The following DYNC1LI1 variants were observed in gnomAD, a reference collection of about 807,000 sequenced individuals.
DYNC1LI1 encodes cytoplasmic dynein 1 light intermediate chain 1.
A neutral mutation model predicts 63.8 loss-of-function variants in DYNC1LI1; 19 were observed. The observed-to-expected ratio is 0.30, with a 90% CI of 0.21 to 0.44. The LOEUF (loss-of-function observed/expected upper bound fraction) is 0.44. Among genes scored for constraint, DYNC1LI1 ranks in the 20% least tolerant of loss-of-function variants. The pLI is 1.00. For missense variants in DYNC1LI1, 565 were observed against 630.2 expected, an observed-to-expected ratio of 0.90 and a Z score of 1.11; for synonymous variants, 225 against 232.3, an observed-to-expected ratio of 0.97 and a Z score of 0.28.
chr3:32,532,725 A>C (rs1341785256), intron 8 of DYNC1LI1: 7 of 390,948 alleles, frequency 1.8e-5, no homozygotes, highest in Non-Finnish European at 2.9e-5. Flanking sequence ...AAAGCACTAT[A>C]TTAGAATGTG....
chr3:32,556,554 G>A (rs1698117102), intron 2 of DYNC1LI1, among the ~76,000 whole-genome samples: 1 of 152,082 alleles, frequency 6.6e-6, no homozygotes, highest in Non-Finnish European at 1.5e-5. Context: ...TTGTTTCTCT[G>A]TTTTGTTTTG....
intron 4 of DYNC1LI1, among the ~76,000 whole-genome samples, chr3:32,543,755 C>CT (rs1014056460): frequency 6.6e-6 from 1 of 150,888 alleles, no homozygotes; most frequent in Non-Finnish European, 1.5e-5. Context: ...ATGAAGAACT[C>CT]TAAGTGACAT....
chr3:32,546,101 G>A, intron 2 of DYNC1LI1, 136 bp from the exon 3 acceptor site: 1 of 614,376 alleles, frequency 1.6e-6, no homozygotes, highest in South Asian at 2.0e-5. Flanking sequence ...TAATGGAGCA[G>A]CTACAGTATT....
At position 32,534,659 on chromosome 3, in the gene DYNC1LI1, G is replaced by T. The variant is rs1184902737; in HGVS notation, c.833-13C>A. On this transcript the variant is annotated splice_polypyrimidine_tract_variant and intron_variant, in intron 6 of 12. Coordinates refer to ENST00000273130, the MANE Select transcript of DYNC1LI1 (RefSeq NM_016141.4). ...AGTGCTGCACCATCTGAATAATATG[G>T]TTAAAGAAAAATTCTGGACAAATGT... 6.6e-7 allele frequency: 1 copy of T among 1,511,714 alleles called. No individual in the cohort carries two copies. The highest frequency in any genetic ancestry group is 8.8e-7 in the Non-Finnish European group (1 of 1,133,546). 93.6% of individuals were successfully genotyped at this position (1,511,714 alleles called of 1,614,324 possible).
intron 2 of DYNC1LI1, among the ~76,000 whole-genome samples, chr3:32,565,651 C>A (rs578080657): frequency 2.0e-5 from 3 of 152,196 alleles, no homozygotes; most frequent in Admixed American, 2.0e-4. Flanking sequence ...CACTCGTCAC[C>A]CAGGCTGGAG....
rs543367930 is a variant in DYNC1LI1, at chr3:32,526,458, G to A, written c.*341C>T. 2.9e-4 allele frequency: 47 copies of A among 159,788 alleles called. No homozygotes were observed. Among genetic ancestry groups the A allele is most frequent in the African/African-American group, 8.1e-4 (34 of 41,818 alleles). 9.9% of individuals were successfully genotyped at this position (159,788 alleles called of 1,614,324 possible). ...ATGCCCAAACTGCATGTTTTCTGCC[G>A]TTCCCCAAATCCTTTTACATGTTTT... On this transcript the variant is annotated 3_prime_UTR_variant, in exon 13 of 13. Coordinates refer to ENST00000273130, the MANE Select transcript of DYNC1LI1 (RefSeq NM_016141.4).
Position 32,532,844 on chromosome 3 carries a change from T to G in DYNC1LI1, c.1080+142A>C, listed in dbSNP as rs539789609. 33 of 1,341,446 alleles carry G rather than the reference T, an allele frequency of 2.5e-5. No individual in the cohort carries two copies. The African/African-American group carries it at 3.7e-4, about 15-fold the overall frequency. The allele number at this position is 1,341,446 out of a possible 1,614,324, so 83.1% of individuals were successfully genotyped here. Reference sequence around the variant, plus strand: ...ACAAATCCTTATGTAAACTGTACATTAGAAACACACCAAAATTATACTTAG... The same window carrying G: ...ACAAATCCTTATGTAAACTGTACATGAGAAACACACCAAAATTATACTTAG... On this transcript the variant is annotated intron_variant, in intron 8 of 12. Transcript: ENST00000273130.
chr3:32,542,489 C>A (rs943908617), intron 4 of DYNC1LI1, among the ~76,000 whole-genome samples: 3 of 149,972 alleles, frequency 2.0e-5, no homozygotes, highest in African/African-American at 7.4e-5. Context: ...CTCACTGCAA[C>A]CCCCGCCTCC....
chr3:32,555,243 T>C lies in DYNC1LI1; in HGVS notation c.221-9278A>G, dbSNP rs115448320. 5.4e-3 allele frequency among the ~76,000 whole-genome samples: 818 copies of C among 152,332 alleles called. 12 individuals are homozygous for C. Among genetic ancestry groups the C allele is most frequent in the African/African-American group, 0.019 (772 of 41,568 alleles). On this transcript the variant is annotated intron_variant, in intron 2 of 12. Transcript: ENST00000273130. ...TTTCTTCTTTTCATACATCTTAAGC[T>C]TCAATTCAAAATCCTCTTAAGACCC...
At chr3:32,554,943 C>T in intron 2 of DYNC1LI1, among the ~76,000 whole-genome samples, 1 of 141,946 alleles carries the variant, frequency 7.0e-6, no homozygotes, top group Non-Finnish European at 1.5e-5. Context: ...AATCTTGGCT[C>T]ACTGCAACCT....
At chr3:32,546,741 G>T (rs1237350721) in intron 2 of DYNC1LI1, among the ~76,000 whole-genome samples, 1 of 152,116 alleles carries the variant, frequency 6.6e-6, no homozygotes, top group African/African-American at 2.4e-5. Flanking sequence ...TGTACATCAG[G>T]ACAGGGAACT....
intron 5 of DYNC1LI1, 23 bp downstream of exon 5, chr3:32,541,014 G>C: frequency 6.5e-7 from 1 of 1,543,756 alleles, no homozygotes; most frequent in East Asian, 2.3e-5. Flanking sequence ...ATCAGTTGCA[G>C]AATCCCTAGG....
At chr3:32,536,967 G>T in intron 6 of DYNC1LI1, 44 bp downstream of exon 6, 1 of 1,129,700 alleles carries the variant, frequency 8.9e-7, no homozygotes, top group Non-Finnish European at 1.3e-6. Context: ...AACTAAAACA[G>T]GTAAAGTGAT....
At chr3:32,555,517 TAA>T (rs1698103207) in intron 2 of DYNC1LI1, among the ~76,000 whole-genome samples, 1 of 152,244 alleles carries the variant, frequency 6.6e-6, no homozygotes, top group Admixed American at 6.5e-5. Context: ...TATTGTTTGT[TAA>T]ACTGTTTTTC....
chr3:32,545,422 G>T, intron 3 of DYNC1LI1: 1 of 397,482 alleles, frequency 2.5e-6, no homozygotes, highest in African/African-American at 2.0e-5. Flanking sequence ...ACCATCAGCA[G>T]ATAGAGATAT....
chr3:32,565,548 C>G (rs1698246721), intron 2 of DYNC1LI1, among the ~76,000 whole-genome samples: 1 of 152,214 alleles, frequency 6.6e-6, no homozygotes, highest in African/African-American at 2.4e-5. Context: ...ACAAGGAAAG[C>G]TCTTTTCCTT....
chr3:32,541,584 T>C (rs1369963027), intron 4 of DYNC1LI1, among the ~76,000 whole-genome samples: 2 of 152,210 alleles, frequency 1.3e-5, no homozygotes, highest in African/African-American at 2.4e-5. Flanking sequence ...ACTTAAAAGA[T>C]AGTCTAGATG....
intron 2 of DYNC1LI1, among the ~76,000 whole-genome samples, chr3:32,553,007 T>C (rs894838676): frequency 1.3e-5 from 2 of 152,160 alleles, no homozygotes; most frequent in Non-Finnish European, 2.9e-5. Context: ...AAATGTATAC[T>C]TCTAAGCCTC....
At chr3:32,534,735 A>G (rs1697752194) in intron 6 of DYNC1LI1, 89 bp from the exon 7 acceptor site, 1 of 1,116,236 alleles carries the variant, frequency 9.0e-7, no homozygotes, top group Non-Finnish European at 1.2e-6. Context: ...TTTTATTTCT[A>G]TGCATTTTAG....
Sources: allele counts gnomAD v4.1 joint callset (sites outside exome capture counted in the v4.1 genomes callset), GRCh38; gene constraint gnomAD v4.1.1; transcripts MANE v1.5; gene names NCBI Gene and HGNC (gene_info 2026-07-23, HGNC 2026-07-21).